ZBBX: variants seen among roughly 807,000 people sequenced by gnomAD.
The protein encoded by ZBBX is zinc finger B-box domain containing.
In ZBBX, 101 loss-of-function variants were observed where a neutral mutation model predicts 108.5. The ratio of observed to expected loss-of-function variants is 0.93; its 90% CI spans 0.79 to 1.10. The LOEUF is 1.10. ZBBX is among the 50% of genes least tolerant of loss of function. The pLI is 0.00. For missense variants in ZBBX, 1,009 were observed against 941.4 expected (o/e 1.07, Z -0.94); for synonymous variants, 356 against 323.4 (o/e 1.10, Z -1.08).
rs57074461 is a variant in ZBBX, at chr3:167,342,496, G to A, written c.528+7924C>T. On this transcript the variant is annotated intron_variant, in intron 9 of 21. Transcript: ENST00000675490. ...AAAATACAAAACCATTCCAAAATAT[G>A]TGTAACCATAATGCTTTTAAAAAAA... is the stretch of plus-strand genomic sequence containing the variant. Among the ~76,000 whole-genome samples, 948 of 151,624 alleles carry A rather than the reference G, an allele frequency of 6.3e-3. 6 individuals carry two copies. The highest frequency in any genetic ancestry group is 0.022 in the African/African-American group (921 of 41,436).
At chr3:167,216,133 T>C in the ZBBX span, among the ~76,000 whole-genome samples, 1 of 152,028 alleles carries the variant, frequency 6.6e-6, no homozygotes, top group South Asian at 2.1e-4. Context: ...GCCAGAGCAA[T>C]CAGGCAAGAG....
At chr3:167,350,921 A>G (rs948150951) in intron 8 of ZBBX, among the ~76,000 whole-genome samples, 1 of 152,044 alleles carries the variant, frequency 6.6e-6, no homozygotes, top group Non-Finnish European at 1.5e-5. Context: ...CTTCATTTGT[A>G]TGAGTTATTT....
chr3:167,360,509 CT>C (rs1414167912), intron 7 of ZBBX, among the ~76,000 whole-genome samples, 165 bp downstream of exon 7: 2 of 151,990 alleles, frequency 1.3e-5, no homozygotes, highest in Non-Finnish European at 2.9e-5. Flanking sequence ...AAAAGCCCCC[CT>C]AACCACCCGA....
At chr3:167,405,810 G>T (rs1222758211) in intron 1 of ZBBX, among the ~76,000 whole-genome samples, 1 of 152,164 alleles carries the variant, frequency 6.6e-6, no homozygotes, top group South Asian at 2.1e-4. Context: ...GGTGGCTGAC[G>T]CCTGTAATCC....
chr3:167,321,380 T>C (rs1736419531), intron 12 of ZBBX, among the ~76,000 whole-genome samples: 1 of 152,002 alleles, frequency 6.6e-6, no homozygotes, highest in African/African-American at 2.4e-5. Context: ...GTTTAGAAAT[T>C]AGCTGGAAAC....
chr3:167,393,525 C>T (rs1318138753), intron 1 of ZBBX, among the ~76,000 whole-genome samples: 2 of 151,772 alleles, frequency 1.3e-5, no homozygotes, highest in Non-Finnish European at 1.5e-5. Context: ...TATTTATAAA[C>T]TGCTCCAAGA....
intron 9 of ZBBX, among the ~76,000 whole-genome samples, chr3:167,338,013 T>G (rs1463646460): frequency 6.6e-6 from 1 of 152,276 alleles, no homozygotes; most frequent in Admixed American, 6.5e-5. Context: ...TAAAATTACC[T>G]GTGCAACTGC....
chr3:167,363,496 C>A (rs1453059512), intron 6 of ZBBX, among the ~76,000 whole-genome samples: 1 of 151,980 alleles, frequency 6.6e-6, no homozygotes, highest in African/African-American at 2.4e-5. Context: ...TTTCTTCCAC[C>A]TTTCTTGTCT....
intron 20 of ZBBX, among the ~76,000 whole-genome samples, chr3:167,261,484 G>A (rs915509465): frequency 6.6e-6 from 1 of 151,492 alleles, no homozygotes; most frequent in Non-Finnish European, 1.5e-5. Flanking sequence ...AGCTCAGACT[G>A]TCCTTGGGCA....
intron 1 of ZBBX, among the ~76,000 whole-genome samples, chr3:167,392,189 A>C (rs1264813140): frequency 6.6e-6 from 1 of 151,860 alleles, no homozygotes; most frequent in Non-Finnish European, 1.5e-5. Flanking sequence ...TTAACTCAGC[A>C]TAACATTTTT....
chr3:167,378,629 G>C (rs574750390), intron 2 of ZBBX, among the ~76,000 whole-genome samples: 1 of 152,176 alleles, frequency 6.6e-6, no homozygotes, highest in Admixed American at 6.5e-5. Context: ...GAGAGCTCAC[G>C]GTTCAGGGAA....
At chr3:167,256,356 G>C (rs1053933912) in intron 20 of ZBBX, among the ~76,000 whole-genome samples, 3 of 151,816 alleles carry the variant, frequency 2.0e-5, no homozygotes, top group Non-Finnish European at 4.4e-5. Context: ...ATATTTATGG[G>C]GTACATGAAA....
chr3:167,393,161 C>T (rs1476672386), intron 1 of ZBBX, among the ~76,000 whole-genome samples: 1 of 151,774 alleles, frequency 6.6e-6, no homozygotes, highest in Non-Finnish European at 1.5e-5. Context: ...ATTTTTCAGC[C>T]TCCCTTGCAG....
chr3:167,237,845 T>C (rs186278158), downstream of ZBBX, among the ~76,000 whole-genome samples: 111 of 152,072 alleles, frequency 7.3e-4, no homozygotes, highest in African/African-American at 2.5e-3. Context: ...TCAAAATTCT[T>C]ATATTGTAAA....
intron 9 of ZBBX, among the ~76,000 whole-genome samples, chr3:167,346,776 G>A (rs1216304158): frequency 2.0e-5 from 3 of 151,538 alleles, no homozygotes; most frequent in Non-Finnish European, 4.4e-5. Context: ...GGCCATCAAA[G>A]CCAAAGCACA....
intron 16 of ZBBX, among the ~76,000 whole-genome samples, chr3:167,313,427 C>T (rs1388508826): frequency 6.6e-6 from 1 of 152,020 alleles, no homozygotes; most frequent in Non-Finnish European, 1.5e-5. Context: ...AGGCACCTGC[C>T]ACCATGCCAG....
chr3:167,402,677 A>T (rs765310381), intron 1 of ZBBX, among the ~76,000 whole-genome samples: 11 of 152,146 alleles, frequency 7.2e-5, no homozygotes, highest in Non-Finnish European at 1.3e-4. Context: ...TCTATCTTCA[A>T]TAGGAAAATA....
At chr3:167,354,531 C>T (rs1025663035) in intron 8 of ZBBX, among the ~76,000 whole-genome samples, 1 of 151,756 alleles carries the variant, frequency 6.6e-6, no homozygotes, top group Non-Finnish European at 1.5e-5. Context: ...AAACTAGTCC[C>T]CTCTTTCCAT....
chr3:167,327,952 T>A lies in ZBBX; in HGVS notation c.852A>T (p.Ala284=), dbSNP rs763807332. The change falls in exon 11 of 22, where the codon GCA becomes GCT. Residue 284 remains alanine (A), a synonymous_variant. Coordinates refer to ENST00000675490, the MANE Select transcript of ZBBX (RefSeq NM_001199201.2). ...HDDNKKQNLH[A]AVKDSLEECE... ...AAAAAAAAGCCATACCTTTTACTGCTGCATGTAAATTCTGTTTCTTGTTGT... is the reference window on the plus strand; with the variant it reads ...AAAAAAAAGCCATACCTTTTACTGCAGCATGTAAATTCTGTTTCTTGTTGT... 12 of 1,530,110 alleles carry A rather than the reference T, an allele frequency of 7.8e-6. No individual in the cohort carries two copies. The East Asian group carries it at 2.3e-4, about 29-fold the overall frequency. The allele number at this position is 1,530,110 out of a possible 1,614,324, so 94.8% of individuals were successfully genotyped here.
Sources: gnomAD v4.1 joint callset for allele counts (sites outside exome capture counted in the v4.1 genomes callset) on GRCh38, gnomAD v4.1.1 for gene constraint, MANE v1.5 for transcripts, NCBI Gene and HGNC (gene_info 2026-07-23, HGNC 2026-07-21) for gene names.